The following DDX17 variants were observed in gnomAD, a reference collection of about 807,000 sequenced individuals.
DDX17 encodes the protein probable ATP-dependent RNA helicase DDX17.
Under a neutral mutation model 80.8 loss-of-function variants are expected in DDX17, and 10 were observed. The ratio of observed to expected loss-of-function variants is 0.12; its 90% confidence interval spans 0.08 to 0.21. The LOEUF is 0.21. Ranked by LOEUF, DDX17 falls within the 10% of genes least tolerant of loss-of-function variation. The probability of loss-of-function intolerance (pLI) is 1.00; values close to 1 mark genes in which losing one functional copy is unlikely to be tolerated. For missense variants in DDX17, 586 were observed against 957.4 expected, an observed-to-expected ratio of 0.61 and a Z score of 5.12; for synonymous variants, 339 against 336.2, an observed-to-expected ratio of 1.01 and a Z score of -0.09.
At position 38,489,942 on chromosome 22, in the gene DDX17, A is replaced by C. The variant is rs911948821; in HGVS notation, c.1448-1827T>G. 1.9e-4 allele frequency: 189 copies of C among 998,616 alleles called. No individual in the cohort carries two copies. Among genetic ancestry groups the C allele is most frequent in the Non-Finnish European group, 2.2e-4 (182 of 837,522 alleles). 61.9% of individuals were successfully genotyped at this position (998,616 alleles called of 1,614,324 possible). ...ATGACCATGGCAGTAGAACAAGTTC[A>C]ATTACTACACTGGATGCGTTAAGTG... is the stretch of plus-strand genomic sequence containing the variant. On this transcript the variant is annotated intron_variant, in intron 11 of 12. Transcript: ENST00000403230. This position sits in a 1 kb window ranked among gnomAD's most constrained non-coding sequence, Gnocchi z 4.6.
Position 38,489,838 on chromosome 22 carries a change from TG to T in DDX17, c.1448-1724del. The T allele has an allele frequency of 2.0e-6, 2 of 985,962 alleles. No individual in the cohort carries two copies. The highest frequency in any genetic ancestry group is 2.4e-6 in the Non-Finnish European group (2 of 830,362). The allele number at this position is 985,962 out of a possible 1,614,324, so 61.1% of individuals were successfully genotyped here. Reference sequence around the variant, plus strand: ...AAAGAATTTACAGGGCCAGGGTGGATGTAAGACAGGGGGTGGGGAATTCTAC... The same window carrying T: ...AAAGAATTTACAGGGCCAGGGTGGATTAAGACAGGGGGTGGGGAATTCTAC... On this transcript the variant is annotated intron_variant, in intron 11 of 12. Transcript: ENST00000403230. The surrounding 1 kb of genome is among the most constrained non-coding windows in gnomAD (Gnocchi z 4.6).
chr22:38,505,808 G>A lies in DDX17; in HGVS notation c.287+143C>T, dbSNP rs1012456739. 7 of 1,110,738 alleles carry A rather than the reference G, an allele frequency of 6.3e-6. No individual in the cohort carries two copies. The African/African-American group carries it at 1.2e-4, about 18-fold the overall frequency. The allele number at this position is 1,110,738 out of a possible 1,614,324, so 68.8% of individuals were successfully genotyped here. A position where few individuals can be genotyped will look rare whatever the true frequency, so the allele number is the denominator to read the frequency against. On this transcript the variant is annotated intron_variant, in intron 1 of 12. Coordinates refer to ENST00000403230, the MANE Select transcript of DDX17 (RefSeq NM_006386.5). ...GACCCCGGGGCCGAGGTCCGCGCAC[G>A]AAACCGCTGTCTCGCCTCGAGTCGC...
At chr22:38,501,950 G>C (rs1165720020) in intron 1 of DDX17, among the ~76,000 whole-genome samples, 1 of 152,242 alleles carries the variant, frequency 6.6e-6, no homozygotes, top group Admixed American at 6.5e-5. Flanking sequence ...TTGTGGACAA[G>C]AAGGAAGATA....
In DDX17 at chr22:38,489,687, T is replaced by C; in HGVS notation, c.1448-1572A>G. On this transcript the variant is annotated intron_variant, in intron 11 of 12. Coordinates refer to ENST00000403230, the MANE Select transcript of DDX17 (RefSeq NM_006386.5). The surrounding 1 kb of genome is among the most constrained non-coding windows in gnomAD (Gnocchi z 4.6). ...AAGGGGCATTATGTCTGTTTCTTAT[T>C]ACAATAAAGGCTCCTCGGTCTTTAC... is the stretch of plus-strand genomic sequence containing the variant. The C allele has an allele frequency of 1.0e-6, 1 of 985,316 alleles. No individual in the cohort carries two copies. The highest frequency in any genetic ancestry group is 1.2e-6 in the Non-Finnish European group (1 of 829,908). The allele number at this position is 985,316 out of a possible 1,614,324, so 61.0% of individuals were successfully genotyped here.
chr22:38,486,105 T>C lies in DDX17; in HGVS notation c.2020A>G (p.Ser674Gly). 1.2e-6 allele frequency: 2 copies of C among 1,614,158 alleles called. No individual in the cohort carries two copies. Among genetic ancestry groups the C allele is most frequent in the Non-Finnish European group, 1.7e-6 (2 of 1,180,034 alleles). The change falls in exon 13 of 13, where the codon AGC becomes GGC. Residue 674 changes from serine (S) to glycine (G), a missense_variant. Around this residue, in one of 4 missense-constraint regions of DDX17, gnomAD observed 221 missense variants for 261.4 expected, o/e 0.85. Transcript: ENST00000403230. The stretch of plus-strand genomic sequence containing the variant: ...ATCCCACTAAACTGCTGGCTAGAGC[T>C]CTGTGAACTTCTCCCAGTTGAGGTG...
At chr22:38,498,634 TA>T in intron 3 of DDX17, 61 bp from the exon 4 acceptor site, 1 of 1,578,172 alleles carries the variant, frequency 6.3e-7, no homozygotes, top group Non-Finnish European at 8.7e-7. Flanking sequence ...CAAGAGTTTT[TA>T]AAAAAACTTT....
At position 38,489,867 on chromosome 22, in the gene DDX17, C is replaced by T. The variant is rs1402641617; in HGVS notation, c.1448-1752G>A. 2.0e-6 allele frequency: 2 copies of T among 985,964 alleles called. No individual in the cohort carries two copies. Among genetic ancestry groups the T allele is most frequent in the Non-Finnish European group, 2.4e-6 (2 of 830,372 alleles). The allele number at this position is 985,964 out of a possible 1,614,324, so 61.1% of individuals were successfully genotyped here. A position where few individuals can be genotyped will look rare whatever the true frequency, so the allele number is the denominator to read the frequency against. ...AGACAGGGGGTGGGGAATTCTACTC[C>T]ATGGTATCTTCAGAGCTAGGATAAT... is the stretch of plus-strand genomic sequence containing the variant. On this transcript the variant is annotated intron_variant, in intron 11 of 12. Coordinates refer to ENST00000403230, the MANE Select transcript of DDX17 (RefSeq NM_006386.5). The surrounding 1 kb of genome is among the most constrained non-coding windows in gnomAD (Gnocchi z 4.6).
At chr22:38,494,331 C>T in intron 8 of DDX17, 200 bp from the exon 9 acceptor site, 1 of 591,112 alleles carries the variant, frequency 1.7e-6, no homozygotes, top group Admixed American at 3.3e-5. Context: ...CAGCAAGTCT[C>T]ATGTAAGTGG....
Position 38,489,697 on chromosome 22 carries a change from G to A in DDX17, c.1448-1582C>T, listed in dbSNP as rs1014627790. On this transcript the variant is annotated intron_variant, in intron 11 of 12. Coordinates refer to ENST00000403230, the MANE Select transcript of DDX17 (RefSeq NM_006386.5). This position sits in a 1 kb window ranked among gnomAD's most constrained non-coding sequence, Gnocchi z 4.6. ...ATGTCTGTTTCTTATTACAATAAAG[G>A]CTCCTCGGTCTTTACTGACCCCTAA... 1.0e-6 allele frequency: 1 copy of A among 985,108 alleles called. No individual in the cohort carries two copies. The highest frequency in any genetic ancestry group is 1.2e-6 in the Non-Finnish European group (1 of 829,924). 61.0% of individuals were successfully genotyped at this position (985,108 alleles called of 1,614,324 possible).
At chr22:38,487,834 G>A (rs767428547) in intron 12 of DDX17, 45 bp downstream of exon 12, 1 of 1,609,140 alleles carries the variant, frequency 6.2e-7, no homozygotes, top group South Asian at 1.1e-5. Context: ...AAGGCGTAAA[G>A]AGATACCTTG....
rs149162194 is a variant in DDX17, at chr22:38,495,718, C to T, written c.880+78G>A. On this transcript the variant is annotated intron_variant, in intron 6 of 12. Coordinates refer to ENST00000403230, the MANE Select transcript of DDX17 (RefSeq NM_006386.5). ...ATTCTGAGTTTATCACAAGAACCCA[C>T]TTTTTTTCTCCAATTTCCTCCACAG... The T allele has an allele frequency of 1.4e-3, 1,813 of 1,288,878 alleles. 2 individuals carry two copies. Among genetic ancestry groups the T allele is most frequent in the Non-Finnish European group, 1.7e-3 (1,659 of 975,126 alleles). The allele number at this position is 1,288,878 out of a possible 1,614,324, so 79.8% of individuals were successfully genotyped here.
At chr22:38,505,089 A>C (rs1837988) in intron 1 of DDX17, 1 of 152,042 alleles carries the variant, frequency 6.6e-6, no homozygotes, top group Non-Finnish European at 1.5e-5. Flanking sequence ...TGTTATTTTT[A>C]GTAGAAACGG....
In DDX17 at chr22:38,486,092, T is replaced by A; in HGVS notation, c.2033A>T (p.Gln678Leu). 6.2e-7 allele frequency: 1 copy of A among 1,614,182 alleles called. No individual in the cohort carries two copies. Among genetic ancestry groups the A allele is most frequent in the Non-Finnish European group, 8.5e-7 (1 of 1,180,038 alleles). The change falls in exon 13 of 13, where the codon CAG becomes CTG. Residue 678 changes from glutamine to leucine, a missense_variant. Physicochemically the swap from Gln to Leu is moderately radical, Grantham distance 113. Coordinates refer to ENST00000403230, the MANE Select transcript of DDX17 (RefSeq NM_006386.5). The stretch of plus-strand genomic sequence containing the variant: ...CCCAGACCGGCCTATCCCACTAAAC[T>A]GCTGGCTAGAGCTCTGTGAACTTCT...
chr22:38,498,373 C>A (rs1347878118), intron 4 of DDX17, 67 bp downstream of exon 4: 2 of 1,596,544 alleles, frequency 1.3e-6, no homozygotes, highest in African/African-American at 2.7e-5. Context: ...GAACTGAGAA[C>A]GTATGACAAC....
intron 4 of DDX17, 34 bp from the exon 5 acceptor site, chr22:38,498,184 T>C (rs1421351139): frequency 6.2e-7 from 1 of 1,602,072 alleles, no homozygotes; most frequent in Non-Finnish European, 8.5e-7. Context: ...AACCTTACGC[T>C]TAGAAGTACA....
Position 38,499,502 on chromosome 22 carries a change from AT to A in DDX17, c.439-4del, listed in dbSNP as rs771923292. 6.3e-7 allele frequency: 1 copy of A among 1,596,566 alleles called. No homozygotes were observed. The highest frequency in any genetic ancestry group is 1.7e-5 in the Admixed American group (1 of 59,028). ...CGGCGTAGCTCATCAACCTCATACT[AT>A]TGAAAAAAAATGAAAGAAGTTAGTA... On this transcript the variant is annotated splice_region_variant and splice_polypyrimidine_tract_variant and intron_variant, in intron 2 of 12. Transcript: ENST00000403230.
chr22:38,506,029 G>C lies in DDX17; in HGVS notation c.209C>G (p.Pro70Arg). ...CCCAAAAGGATAGAGATCTGGGAGC[G>C]GGGCACGGATGGCCGGGCTCGGGAG... is the stretch of plus-strand genomic sequence containing the variant. The change falls in exon 1 of 13, where the codon CCG (proline) becomes CGG (arginine). Residue 70 changes from proline to arginine, a missense_variant. Physicochemically the swap from Pro to Arg is moderately radical, Grantham distance 103 (BLOSUM62 -2). Coordinates refer to ENST00000403230, the MANE Select transcript of DDX17 (RefSeq NM_006386.5). 2 of 1,589,720 alleles carry C rather than the reference G, an allele frequency of 1.3e-6. No individual in the cohort carries two copies. Among genetic ancestry groups the C allele is most frequent in the South Asian group, 2.3e-5 (2 of 87,498 alleles).
Position 38,485,751 on chromosome 22 carries a change from A to T in DDX17, c.*184T>A. On this transcript the variant is annotated 3_prime_UTR_variant, in exon 13 of 13. Transcript: ENST00000403230. ...ACTGGATCATTTTGGTGGGCAGAAGAAACCTGGCAGTGAATTCTAACTAAT... is the reference window on the plus strand; with the variant it reads ...ACTGGATCATTTTGGTGGGCAGAAGTAACCTGGCAGTGAATTCTAACTAAT... The T allele has an allele frequency of 1.3e-6, 1 of 757,612 alleles. No individual in the cohort carries two copies. Among genetic ancestry groups the T allele is most frequent in the East Asian group, 3.2e-5 (1 of 31,524 alleles). 46.9% of individuals were successfully genotyped at this position (757,612 alleles called of 1,614,324 possible). A position where few individuals can be genotyped will look rare whatever the true frequency, so the allele number is the denominator to read the frequency against.
chr22:38,505,927 T>A, intron 1 of DDX17, 24 bp downstream of exon 1: 7 of 1,347,874 alleles, frequency 5.2e-6, no homozygotes, highest in Non-Finnish European at 6.1e-6. Flanking sequence ...ACGCCAGGCC[T>A]CTCCTCTCCT....
Sources: gnomAD v4.1 joint callset for allele counts (sites outside exome capture counted in the v4.1 genomes callset) on GRCh38, gnomAD v4.1.1 for gene constraint, gnomAD v4.1.1 regional missense constraint, Gnocchi (gnomAD v3.1) non-coding constraint, MANE v1.5 for transcripts, NCBI Gene and HGNC (gene_info 2026-07-23, HGNC 2026-07-21) for gene names.